Variants in ZNF560 observed in about 807,000 individuals in gnomAD.
ZNF560 encodes the protein zinc finger protein 560.
A neutral mutation model predicts 81.8 loss-of-function variants in ZNF560; 54 were observed. The observed-to-expected ratio is 0.66, with a 90% confidence interval of 0.53 to 0.83. ZNF560 has a LOEUF of 0.83. Among genes scored for constraint, ZNF560 ranks in the 40% least tolerant of loss-of-function variants. The pLI, the probability that ZNF560 is intolerant of heterozygous loss-of-function variation, is 0.00. For synonymous variants in ZNF560, 321 were observed against 317.9 expected (o/e 1.01, Z -0.10); for missense variants, 940 against 932.4 (o/e 1.01, Z -0.11).
chr19:9,473,735 C>T (rs1423481900), intron 4 of ZNF560, among the ~76,000 whole-genome samples: 1 of 152,122 alleles, frequency 6.6e-6, no homozygotes, highest in East Asian at 1.9e-4. Flanking sequence ...TCTCTGACCT[C>T]TGAAATGCAA....
chr19:9,495,293 T>G (rs528310228), intron 2 of ZNF560, among the ~76,000 whole-genome samples: 3 of 152,366 alleles, frequency 2.0e-5, no homozygotes, highest in Non-Finnish European at 2.9e-5. Context: ...TGCCACAGGC[T>G]GGAGTGATAC....
At chr19:9,501,662 AT>A (rs1156958879), upstream of ZNF560, among the ~76,000 whole-genome samples, 1 of 150,708 alleles carries the variant, frequency 6.6e-6, no homozygotes, top group African/African-American at 2.4e-5. Flanking sequence ...CACCTGGCTA[AT>A]TTTTGTATTT....
intron 6 of ZNF560, among the ~76,000 whole-genome samples, chr19:9,470,893 G>T (rs553020993): frequency 6.6e-6 from 1 of 152,224 alleles, no homozygotes; most frequent in Non-Finnish European, 1.5e-5. Flanking sequence ...CTAGCACCCA[G>T]AAAAATAAAT....
chr19:9,494,588 T>C lies in ZNF560; in HGVS notation c.-57+3540A>G, dbSNP rs552898069. On this transcript the variant is annotated intron_variant, in intron 2 of 9. Coordinates refer to ENST00000301480, the MANE Select transcript of ZNF560 (RefSeq NM_152476.3). The stretch of plus-strand genomic sequence containing the variant: ...TGTCACTACTAAAAATACAAAAAAT[T>C]AGCCAGGCATGGTGGCAGGTGCCTG... Among the ~76,000 whole-genome samples, 807 of 151,914 alleles carry C rather than the reference T, an allele frequency of 5.3e-3. 7 individuals are homozygous for C. The highest frequency in any genetic ancestry group is 6.5e-3 in the Non-Finnish European group (443 of 67,934).
At chr19:9,456,905 C>T in the ZNF560 span, among the ~76,000 whole-genome samples, 3 of 152,176 alleles carry the variant, frequency 2.0e-5, no homozygotes, top group African/African-American at 7.2e-5. Context: ...GGGGTATGTC[C>T]ATGGTATGGA....
chr19:9,473,814 C>G (rs1177015708), intron 4 of ZNF560, among the ~76,000 whole-genome samples: 2 of 152,006 alleles, frequency 1.3e-5, no homozygotes, highest in Non-Finnish European at 2.9e-5. Flanking sequence ...TGTTGTCAAA[C>G]TCCTGAATGA....
chr19:9,472,406 C>T (rs894057406), intron 5 of ZNF560, among the ~76,000 whole-genome samples: 2 of 152,208 alleles, frequency 1.3e-5, no homozygotes, highest in Admixed American at 6.5e-5. Flanking sequence ...GCAAGTGAAG[C>T]TTCATTTGTA....
chr19:9,451,706 T>A, the ZNF560 span, among the ~76,000 whole-genome samples: 110 of 152,290 alleles, frequency 7.2e-4, no homozygotes, highest in South Asian at 6.6e-3. Flanking sequence ...TTTCAAATTA[T>A]GCATCTGACA....
chr19:9,484,307 A>G (rs1376494064), intron 2 of ZNF560, among the ~76,000 whole-genome samples: 1 of 151,858 alleles, frequency 6.6e-6, no homozygotes, highest in Non-Finnish European at 1.5e-5. Context: ...AAAAAAAGAA[A>G]CAGAAGAACT....
chr19:9,449,657 G>A, the ZNF560 span, among the ~76,000 whole-genome samples: 9 of 152,184 alleles, frequency 5.9e-5, no homozygotes, highest in Admixed American at 5.9e-4. Flanking sequence ...ATGGGCAAAA[G>A]CTGGAAGCAC....
chr19:9,446,707 G>A, the ZNF560 span, among the ~76,000 whole-genome samples: 8 of 152,186 alleles, frequency 5.3e-5, no homozygotes, highest in Middle Eastern at 3.4e-3. Context: ...CTATTCAGTC[G>A]ATTACACATT....
chr19:9,462,377 G>T (rs183810162), downstream of ZNF560, among the ~76,000 whole-genome samples: 1 of 152,322 alleles, frequency 6.6e-6, no homozygotes, highest in East Asian at 1.9e-4. Context: ...GCCAGAGCCT[G>T]TCCCTTTGTT....
intron 2 of ZNF560, among the ~76,000 whole-genome samples, chr19:9,484,105 A>C (rs1014595948): frequency 1.3e-5 from 2 of 152,266 alleles, no homozygotes; most frequent in African/African-American, 4.8e-5. Context: ...ATGCTCGTTA[A>C]GAGTCATCAC....
the ZNF560 span, among the ~76,000 whole-genome samples, chr19:9,455,067 G>A: frequency 2.6e-5 from 4 of 152,052 alleles, no homozygotes; most frequent in East Asian, 3.9e-4. Flanking sequence ...CCGAGTGACC[G>A]CCCTCAGTTC....
chr19:9,497,122 ACT>A (rs2073572130), intron 2 of ZNF560, among the ~76,000 whole-genome samples: 1 of 150,754 alleles, frequency 6.6e-6, no homozygotes, highest in African/African-American at 2.4e-5. Flanking sequence ...CCTCAAAAAA[ACT>A]CTCAAAAAAA....
chr19:9,468,484 A>C (rs2073069948), intron 9 of ZNF560, 150 bp from the exon 10 acceptor site: 2 of 591,346 alleles, frequency 3.4e-6, no homozygotes, highest in Non-Finnish European at 5.7e-6. Flanking sequence ...AACTTGAATA[A>C]TGGAACCCTA....
intron 2 of ZNF560, among the ~76,000 whole-genome samples, chr19:9,478,351 A>G (rs964836001): frequency 1.3e-5 from 2 of 152,246 alleles, no homozygotes; most frequent in African/African-American, 2.4e-5. Context: ...ATTTTCAAAG[A>G]AAAACAAAAG....
intron 2 of ZNF560, among the ~76,000 whole-genome samples, chr19:9,487,512 G>T (rs541035680): frequency 6.6e-6 from 1 of 152,154 alleles, no homozygotes; most frequent in Admixed American, 6.5e-5. Context: ...CATGATATTA[G>T]ATTTATTATA....
Position 9,470,839 on chromosome 19 carries a change from A to C in ZNF560, c.322-321T>G, listed in dbSNP as rs2073109989. On this transcript the variant is annotated intron_variant, in intron 6 of 9. Coordinates refer to ENST00000301480, the MANE Select transcript of ZNF560 (RefSeq NM_152476.3). ...TACTTGATAAATGAGGATATGGATA[A>C]ATTCCTTAAGAAAAGAACACTTTCA... 2.6e-5 allele frequency among the ~76,000 whole-genome samples: 4 copies of C among 152,208 alleles called. No individual in the cohort carries two copies. The South Asian group carries it at 6.2e-4, about 24-fold the overall frequency.
Sources: allele counts gnomAD v4.1 joint callset (sites outside exome capture counted in the v4.1 genomes callset), GRCh38; gene constraint gnomAD v4.1.1; transcripts MANE v1.5; gene names NCBI Gene and HGNC (gene_info 2026-07-23, HGNC 2026-07-21).